Variants in DERL2 observed in about 807,000 individuals in gnomAD.
DERL2 encodes derlin-2.
DERL2 carries 13 observed loss-of-function variants against 32.0 expected under a neutral mutation model. The observed-to-expected ratio is 0.41, with a 90% CI of 0.26 to 0.65. The LOEUF (loss-of-function observed/expected upper bound fraction) is 0.65, where lower values mean the gene tolerates loss of function less well. DERL2 is among the 30% of genes least tolerant of loss of function. The pLI is 0.35. For missense variants in DERL2, 208 were observed against 296.3 expected, an observed-to-expected ratio of 0.70 and a Z score of 2.19; for synonymous variants, 111 against 104.7, an observed-to-expected ratio of 1.06 and a Z score of -0.37.
Position 5,481,660 on chromosome 17 carries a change from T to C in DERL2, c.234-271A>G, listed in dbSNP as rs1228300094. On this transcript the variant is annotated intron_variant, in intron 3 of 6. Transcript: ENST00000158771. This position sits in a 1 kb window ranked among gnomAD's most constrained non-coding sequence, Gnocchi z 4.4. ...TTTCAGTCCCCTATTCTTTTTTTTT[T>C]TTCTTTTGAGACAGAGTCTCGCTCT... Among the ~76,000 whole-genome samples, 3 of 152,022 alleles carry C rather than the reference T, an allele frequency of 2.0e-5. No homozygotes were observed. The highest frequency in any genetic ancestry group is 7.3e-5 in the African/African-American group (3 of 41,376).
chr17:5,485,352 C>A, intron 1 of DERL2, 136 bp from the exon 2 acceptor site: 2 of 560,316 alleles, frequency 3.6e-6, no homozygotes, highest in African/African-American at 2.0e-5. Context: ...TCTTCTTAGG[C>A]CAGAGGAAGA....
rs768814300 is a variant in DERL2 at position 5,486,142 on chromosome 17, C to A, written c.20G>T (p.Arg7Leu). 2.5e-6 allele frequency: 4 copies of A among 1,609,496 alleles called. No homozygotes were observed. Among genetic ancestry groups the A allele is most frequent in the Non-Finnish European group, 3.4e-6 (4 of 1,178,060 alleles). Residue 7 changes from arginine (R) to leucine (L), a missense_variant, in exon 1 of 7, where the codon CGG becomes CTG. Transcript: ENST00000158771. ...CGGTGGGATCTGCAGGTACTCCAGC[C>A]GCAAGCTCTGGTACGCCATCTTCCC... Reference protein sequence around the residue: MAYQSLRLEYLQIPPVS... With the variant: MAYQSLLLEYLQIPPVS...
At chr17:5,485,985 C>A in intron 1 of DERL2, 84 bp downstream of exon 1, 1 of 1,332,750 alleles carries the variant, frequency 7.5e-7, no homozygotes, top group South Asian at 1.3e-5. Flanking sequence ...CCCTCTGGGC[C>A]TCCCCGAGGC....
Position 5,481,500 on chromosome 17 carries a change from C to A in DERL2, c.234-111G>T. ...CCATATTATTTGTAATTAGTCAAGT[C>A]TTCATTTGTATAAGAATGTTTGAGT... On this transcript the variant is annotated intron_variant, in intron 3 of 6. Coordinates refer to ENST00000158771, the MANE Select transcript of DERL2 (RefSeq NM_016041.5). The surrounding 1 kb of genome is among the most constrained non-coding windows in gnomAD (Gnocchi z 4.4). 1 of 749,792 alleles carries A rather than the reference C, an allele frequency of 1.3e-6. No homozygotes were observed. The highest frequency in any genetic ancestry group is 1.6e-5 in the South Asian group (1 of 61,902). 46.4% of individuals were successfully genotyped at this position (749,792 alleles called of 1,614,324 possible).
chr17:5,474,690 T>C lies in DERL2; in HGVS notation c.714A>G (p.Gly238=), dbSNP rs1597370023. ...CATTATTGGCACTGCTGCTTTAACC[T>C]CCAAGCCGCTGGCCCTCACCCCAGG... The part of the protein sequence containing the change: ...GFAWGEGQRL[G]G The change falls in exon 7 of 7, where the codon GGA becomes GGG. Residue 238 remains glycine (G), a synonymous_variant. Coordinates refer to ENST00000158771, the MANE Select transcript of DERL2 (RefSeq NM_016041.5). The surrounding 1 kb of genome is among the most constrained non-coding windows in gnomAD (Gnocchi z 4.3). The C allele has an allele frequency of 6.2e-7, 1 of 1,610,294 alleles. No individual in the cohort carries two copies. The highest frequency in any genetic ancestry group is 8.5e-7 in the Non-Finnish European group (1 of 1,178,610).
chr17:5,486,049 G>A lies in DERL2; in HGVS notation c.93+20C>T, dbSNP rs1445191915. On this transcript the variant is annotated intron_variant, in intron 1 of 6. Transcript: ENST00000158771. ...CATATCCAGCCCAGATAATGAGAAG[G>A]TGGCACTGCAGCTGCTCACCACGGC... The A allele has an allele frequency of 5.6e-6, 9 of 1,602,562 alleles. No homozygotes were observed. The South Asian group carries it at 1.0e-4, about 18-fold the overall frequency.
chr17:5,482,482 T>G (rs1366900018), intron 3 of DERL2: 2 of 210,642 alleles, frequency 9.5e-6, no homozygotes, highest in Non-Finnish European at 1.9e-5. Context: ...GAATTACCAT[T>G]GCATTCAGGT....
At position 5,480,517 on chromosome 17, in the gene DERL2, C is replaced by A. The variant is rs1354983801; in HGVS notation, c.393G>T (p.Val131=). The part of the protein sequence containing the change: ...GQAFTIMLVY[V]WSRRNPYVRM... ...GGACATAGGGGTTCCTTCGGCTCCA[C>A]ACATAGACGAGCATTATTGTAAAGG... Residue 131 remains valine (V), a synonymous_variant, in exon 5 of 7, where the codon GTG becomes GTT. Coordinates refer to ENST00000158771, the MANE Select transcript of DERL2 (RefSeq NM_016041.5). 5 of 1,602,548 alleles carry A rather than the reference C, an allele frequency of 3.1e-6. No individual in the cohort carries two copies. Among genetic ancestry groups the A allele is most frequent in the Non-Finnish European group, 4.2e-6 (5 of 1,176,852 alleles).
Position 5,474,119 on chromosome 17 carries a change from T to G in DERL2, c.*565A>C, listed in dbSNP as rs1051866955. Reference sequence around the variant, plus strand: ...AATCTTGCATTCTGAGTTAGTAAGATGTACACAACCACAGCATGACAGCCA... The same window carrying G: ...AATCTTGCATTCTGAGTTAGTAAGAGGTACACAACCACAGCATGACAGCCA... On this transcript the variant is annotated 3_prime_UTR_variant, in exon 7 of 7. Coordinates refer to ENST00000158771, the MANE Select transcript of DERL2 (RefSeq NM_016041.5). The surrounding 1 kb of genome is among the most constrained non-coding windows in gnomAD (Gnocchi z 4.3). 8 of 152,222 alleles carry G rather than the reference T, an allele frequency of 5.3e-5. No homozygotes were observed. Among genetic ancestry groups the G allele is most frequent in the African/African-American group, 1.9e-4 (8 of 41,444 alleles). 9.4% of individuals were successfully genotyped at this position (152,222 alleles called of 1,614,324 possible).
chr17:5,474,800 A>C lies in DERL2; in HGVS notation c.615-11T>G. 1 of 1,608,346 alleles carries C rather than the reference A, an allele frequency of 6.2e-7. No homozygotes were observed. The highest frequency in any genetic ancestry group is 8.5e-7 in the Non-Finnish European group (1 of 1,175,310). Reference sequence around the variant, plus strand: ...TCAAAAATAGCTTTCCTAAAAGACAAGCAACAGATATAATTTGGTCCCAGA... The same window carrying C: ...TCAAAAATAGCTTTCCTAAAAGACACGCAACAGATATAATTTGGTCCCAGA... On this transcript the variant is annotated splice_polypyrimidine_tract_variant and intron_variant, in intron 6 of 6. Transcript: ENST00000158771. This position sits in a 1 kb window ranked among gnomAD's most constrained non-coding sequence, Gnocchi z 4.3.
At chr17:5,480,635 C>A (rs1023836594) in intron 4 of DERL2, 53 bp from the exon 5 acceptor site, 87 of 1,391,164 alleles carry the variant, frequency 6.3e-5, no homozygotes, top group Non-Finnish European at 8.2e-5. Context: ...ATAGGAAAGA[C>A]TGAGCAGGAG....
chr17:5,482,686 C>T, intron 3 of DERL2, 123 bp downstream of exon 3: 1 of 622,760 alleles, frequency 1.6e-6, no homozygotes, highest in Middle Eastern at 2.6e-4. Context: ...ACTTTATGTA[C>T]CACTGACCCA....
intron 6 of DERL2, among the ~76,000 whole-genome samples, chr17:5,477,005 G>A (rs1200212308): frequency 1.3e-5 from 2 of 152,094 alleles, no homozygotes; most frequent in African/African-American, 4.8e-5. Context: ...AGATAAGCAA[G>A]GCATCCATAT....
At chr17:5,486,332 C>T (rs1256716806), upstream of DERL2, 59 of 482,864 alleles carry the variant, frequency 1.2e-4, no homozygotes, top group Non-Finnish European at 2.0e-4. Flanking sequence ...CGCACATCCG[C>T]CAATCACGAG....
At chr17:5,486,010 C>A (rs1338901837) in intron 1 of DERL2, 59 bp downstream of exon 1, 27 of 1,521,704 alleles carry the variant, frequency 1.8e-5, no homozygotes, top group Non-Finnish European at 2.4e-5. Context: ...ACCCCAGTTT[C>A]CTGAAGACCC....
At chr17:5,486,344 T>G (rs1196901757), upstream of DERL2, 6 of 400,068 alleles carry the variant, frequency 1.5e-5, no homozygotes, top group African/African-American at 4.4e-5. Context: ...AATCACGAGT[T>G]GCGTCGCCAC....
chr17:5,478,897 G>A (rs1905573661), intron 6 of DERL2, among the ~76,000 whole-genome samples: 1 of 152,192 alleles, frequency 6.6e-6, no homozygotes, highest in Non-Finnish European at 1.5e-5. Flanking sequence ...TCGGCTCACT[G>A]CAGTCTCAAC....
intron 6 of DERL2, among the ~76,000 whole-genome samples, chr17:5,475,293 T>C (rs1905310508): frequency 2.0e-5 from 3 of 149,916 alleles, no homozygotes. Context: ...GGAGTCTCAC[T>C]CTGTCGCCCA....
chr17:5,478,039 G>C (rs911135867), intron 6 of DERL2: 6 of 152,126 alleles, frequency 3.9e-5, no homozygotes, highest in African/African-American at 9.7e-5. Context: ...GGTATATCTT[G>C]TTGTGCCAGA....
Sources: gnomAD v4.1 joint callset for allele counts (sites outside exome capture counted in the v4.1 genomes callset) on GRCh38, gnomAD v4.1.1 for gene constraint, Gnocchi (gnomAD v3.1) non-coding constraint, MANE v1.5 for transcripts, NCBI Gene and HGNC (gene_info 2026-07-23, HGNC 2026-07-21) for gene names.